The following NEIL2 variants were observed in gnomAD, a reference collection of about 807,000 sequenced individuals.
NEIL2 encodes the protein nei like DNA glycosylase 2.
NEIL2 carries 23 observed loss-of-function variants against 22.2 expected under a neutral mutation model. The ratio of observed to expected loss-of-function variants is 1.04; its 90% CI spans 0.75 to 1.47. The LOEUF is 1.47. NEIL2 is among the 40% of genes most tolerant of loss of function. The probability of loss-of-function intolerance (pLI) is 0.00; values close to 1 mark genes in which losing one functional copy is unlikely to be tolerated. For missense variants in NEIL2, 583 were observed against 404.7 expected, an observed-to-expected ratio of 1.44 and a Z score of -3.78; for synonymous variants, 229 against 164.8, an observed-to-expected ratio of 1.39 and a Z score of -2.99.
intron 4 of NEIL2, among the ~76,000 whole-genome samples, 160 bp downstream of exon 4, chr8:11,783,559 G>T (rs1804635016): frequency 6.6e-6 from 1 of 152,204 alleles, no homozygotes; most frequent in Non-Finnish European, 1.5e-5. Context: ...CTTGTTTTTA[G>T]ACTGAGGGCA....
intron 2 of NEIL2, among the ~76,000 whole-genome samples, chr8:11,775,456 G>T (rs1803831315): frequency 6.6e-6 from 1 of 152,204 alleles, no homozygotes. Flanking sequence ...CCTTCTAGGT[G>T]TCTGGACCTG....
intron 2 of NEIL2, 49 bp downstream of exon 2, chr8:11,771,634 C>T (rs199893199): frequency 2.0e-4 from 310 of 1,581,286 alleles, no homozygotes; most frequent in Middle Eastern, 1.2e-3. Context: ...CATCCTGCGC[C>T]TCCCCTAGGA....
intron 2 of NEIL2, among the ~76,000 whole-genome samples, chr8:11,778,971 C>T (rs1487865711): frequency 2.4e-5 from 2 of 84,568 alleles, no homozygotes; most frequent in African/African-American, 3.4e-5. Context: ...AAAAAGACAG[C>T]AGAACATCCT....
chr8:11,775,887 C>A lies in NEIL2; in HGVS notation c.139-3711C>A, dbSNP rs188965505. ...ATCACTATCAGCATTTTGATCAAAG[C>A]CATTCAACAAGTATCTAGGAAGTTC... is the stretch of plus-strand genomic sequence containing the variant. On this transcript the variant is annotated intron_variant, in intron 2 of 4. Coordinates refer to ENST00000284503, the MANE Select transcript of NEIL2 (RefSeq NM_145043.4). Among the ~76,000 whole-genome samples, 303 of 152,326 alleles carry A rather than the reference C, an allele frequency of 2.0e-3. 1 individual carries two copies. The highest frequency in any genetic ancestry group is 6.9e-3 in the African/African-American group (288 of 41,574).
intron 1 of NEIL2, among the ~76,000 whole-genome samples, 200 bp downstream of exon 1, chr8:11,770,535 A>G (rs918074205): frequency 6.6e-6 from 1 of 152,216 alleles, no homozygotes; most frequent in Non-Finnish European, 1.5e-5. Flanking sequence ...CTTAGATTTT[A>G]AAAGTATTCT....
chr8:11,775,385 C>T (rs1585748692), intron 2 of NEIL2, among the ~76,000 whole-genome samples: 2 of 152,224 alleles, frequency 1.3e-5, no homozygotes, highest in East Asian at 1.9e-4. Flanking sequence ...CACAGGGCAC[C>T]AAGTCCCTAG....
Position 11,770,176 on chromosome 8 carries a change from T to C in NEIL2, c.-162T>C, listed in dbSNP as rs1359752259. 6.6e-6 allele frequency: 1 copy of C among 152,228 alleles called. No individual in the cohort carries two copies. Among genetic ancestry groups the C allele is most frequent in the Non-Finnish European group, 1.5e-5 (1 of 68,050 alleles). 9.4% of individuals were successfully genotyped at this position (152,228 alleles called of 1,614,324 possible). A position where few individuals can be genotyped will look rare whatever the true frequency, so the allele number is the denominator to read the frequency against. On this transcript the variant is annotated 5_prime_UTR_variant, in exon 1 of 5. Transcript: ENST00000284503. ...CCTTCCGCGTCTCATCTTTCAAGGC[T>C]GTTGCAGAGGCGGCTTGCTTCCCAC...
Position 11,786,020 on chromosome 8 carries a change from G to A in NEIL2, c.746G>A (p.Gly249Asp), listed in dbSNP as rs779482420. 1 of 1,614,016 alleles carries A rather than the reference G, an allele frequency of 6.2e-7. No homozygotes were observed. Residue 249 changes from glycine (G) to aspartate (D), a missense_variant, in exon 5 of 5, where the codon GGT becomes GAT. Transcript: ENST00000284503. ...GCTGGGATCCATCCCCTTTCTCTCG[G>A]TTCAGTCCTGAGTGCCTCGCGTCGG... ...YRAGIHPLSL[G>D]SVLSASRREV...
chr8:11,770,584 C>G (rs1392809899), intron 1 of NEIL2, among the ~76,000 whole-genome samples: 1 of 152,152 alleles, frequency 6.6e-6, no homozygotes, highest in Non-Finnish European at 1.5e-5. Context: ...AATAGCTACC[C>G]CCTGCCCGAT....
rs554460603 is a variant in NEIL2 at position 11,786,321 on chromosome 8, C to T, written c.*48C>T. ...GAACCTTGCCGCTTGGGGAACCTGA[C>T]GTCTAAGTGTCCAGAAAGGAGGATG... On this transcript the variant is annotated 3_prime_UTR_variant, in exon 5 of 5. Coordinates refer to ENST00000284503, the MANE Select transcript of NEIL2 (RefSeq NM_145043.4). The T allele has an allele frequency of 5.1e-5, 80 of 1,563,646 alleles. No homozygotes were observed. Among genetic ancestry groups the T allele is most frequent in the Middle Eastern group, 2.2e-4 (1 of 4,516 alleles).
At position 11,779,741 on chromosome 8, in the gene NEIL2, G is replaced by A; in HGVS notation, c.282G>A (p.Gly94=). Residue 94 remains glycine, a synonymous_variant, in exon 3 of 5, where the codon GGG becomes GGA. Coordinates refer to ENST00000284503, the MANE Select transcript of NEIL2 (RefSeq NM_145043.4). ...CAAAGCAGGTCGGGGAGCCCAGCGG[G>A]CAGAAGACCCTTGATGGATCCTCAC... is the stretch of plus-strand genomic sequence containing the variant. The part of the protein sequence containing the change: ...ADPKQVGEPS[G]QKTLDGSSRS... 6.2e-7 allele frequency: 1 copy of A among 1,614,248 alleles called. No homozygotes were observed. The highest frequency in any genetic ancestry group is 1.1e-5 in the South Asian group (1 of 91,086).
At chr8:11,783,937 G>A (rs372311294) in intron 4 of NEIL2, among the ~76,000 whole-genome samples, 6 of 152,240 alleles carry the variant, frequency 3.9e-5, no homozygotes, top group East Asian at 3.8e-4. Flanking sequence ...TTGCAGTGGC[G>A]TGAGCAGTGA....
In NEIL2 at chr8:11,779,720, G is replaced by C; in HGVS notation, c.261G>C (p.Lys87Asn). 6.2e-7 allele frequency: 1 copy of C among 1,614,226 alleles called. No individual in the cohort carries two copies. Among genetic ancestry groups the C allele is most frequent in the Non-Finnish European group, 8.5e-7 (1 of 1,180,048 alleles). The change falls in exon 3 of 5, where the codon AAG becomes AAC. Residue 87 changes from lysine to asparagine, a missense_variant. Transcript: ENST00000284503. ...AGAAGGAAGGGGCTGCGGACCCAAA[G>C]CAGGTCGGGGAGCCCAGCGGGCAGA... is the stretch of plus-strand genomic sequence containing the variant. ...EVQKEGAADP[K>N]QVGEPSGQKT...
Position 11,786,286 on chromosome 8 carries a change from G to T in NEIL2, c.*13G>T. The T allele has an allele frequency of 6.2e-7, 1 of 1,604,516 alleles. No individual in the cohort carries two copies. Among genetic ancestry groups the T allele is most frequent in the South Asian group, 1.1e-5 (1 of 90,302 alleles). Reference sequence around the variant, plus strand: ...CCAGTTCTCCTAAGGAGCTGGTGGTGCTCCTCACGGAACCTTGCCGCTTGG... The same window carrying T: ...CCAGTTCTCCTAAGGAGCTGGTGGTTCTCCTCACGGAACCTTGCCGCTTGG... On this transcript the variant is annotated 3_prime_UTR_variant, in exon 5 of 5. Coordinates refer to ENST00000284503, the MANE Select transcript of NEIL2 (RefSeq NM_145043.4).
chr8:11,778,461 G>C (rs1254196050), intron 2 of NEIL2, among the ~76,000 whole-genome samples: 1 of 152,138 alleles, frequency 6.6e-6, no homozygotes, highest in African/African-American at 2.4e-5. Flanking sequence ...ACAAGTTAAA[G>C]ATCATACCAG....
At chr8:11,771,010 G>A (rs1466425749) in intron 1 of NEIL2, among the ~76,000 whole-genome samples, 1 of 152,206 alleles carries the variant, frequency 6.6e-6, no homozygotes, top group Non-Finnish European at 1.5e-5. Flanking sequence ...TGGGAAATAA[G>A]TCGGCAGCAG....
chr8:11,784,086 A>G (rs1804685383), intron 4 of NEIL2, among the ~76,000 whole-genome samples: 1 of 152,216 alleles, frequency 6.6e-6, no homozygotes, highest in Admixed American at 6.5e-5. Flanking sequence ...TTGGTTGCTG[A>G]AGCAATCAGG....
At chr8:11,781,214 TA>T (rs1804393384) in intron 3 of NEIL2, among the ~76,000 whole-genome samples, 1 of 152,210 alleles carries the variant, frequency 6.6e-6, no homozygotes, top group Non-Finnish European at 1.5e-5. Context: ...CTATGGGCTG[TA>T]AAAATAACTC....
intron 2 of NEIL2, among the ~76,000 whole-genome samples, chr8:11,777,609 C>T (rs569505602): frequency 6.6e-6 from 1 of 152,150 alleles, no homozygotes; most frequent in Non-Finnish European, 1.5e-5. Context: ...CCCCAGATAC[C>T]TCATATCAGT....
Sources: allele counts gnomAD v4.1 joint callset (sites outside exome capture counted in the v4.1 genomes callset), GRCh38; gene constraint gnomAD v4.1.1; transcripts MANE v1.5; gene names NCBI Gene and HGNC (gene_info 2026-07-23, HGNC 2026-07-21).